Variants in DPP10 observed in about 807,000 individuals in gnomAD.
The protein encoded by DPP10 is dipeptidyl peptidase like 10, also known as inactive dipeptidyl peptidase 10.
A neutral mutation model predicts 120.9 loss-of-function variants in DPP10; 33 were observed. The observed-to-expected ratio is 0.27, with a 90% CI of 0.21 to 0.37. The LOEUF (loss-of-function observed/expected upper bound fraction) is 0.37, where lower values mean the gene tolerates loss of function less well. DPP10 is among the 10% of genes least tolerant of loss of function. DPP10 has a pLI of 1.00. For missense variants in DPP10, 816 were observed against 942.8 expected, an observed-to-expected ratio of 0.87 and a Z score of 1.76; for synonymous variants, 337 against 326.1, an observed-to-expected ratio of 1.03 and a Z score of -0.36.
intron 1 of DPP10, among the ~76,000 whole-genome samples, chr2:114,719,000 G>A (rs1345136405): frequency 2.0e-5 from 3 of 152,200 alleles, no homozygotes; most frequent in Admixed American, 6.5e-5. Flanking sequence ...AGCAGATCAA[G>A]CCTGGCTTAT....
At chr2:114,854,819 T>A (rs1319888675) in intron 1 of DPP10, among the ~76,000 whole-genome samples, 1 of 152,202 alleles carries the variant, frequency 6.6e-6, no homozygotes, top group Non-Finnish European at 1.5e-5. Context: ...ATGAATCTAT[T>A]CTTATTTAAT....
At chr2:115,602,412 T>C (rs2149218390) in intron 5 of DPP10, among the ~76,000 whole-genome samples, 1 of 152,360 alleles carries the variant, frequency 6.6e-6, no homozygotes, top group Non-Finnish European at 1.5e-5. Context: ...TTATATCACA[T>C]TAGTCCATTT....
chr2:115,370,900 T>A (rs547917495), intron 3 of DPP10, among the ~76,000 whole-genome samples: 3 of 152,226 alleles, frequency 2.0e-5, no homozygotes, highest in Admixed American at 2.0e-4. Flanking sequence ...ATCACTGAGA[T>A]AAACAAACTG....
At chr2:114,777,063 T>G (rs1681813056) in intron 1 of DPP10, among the ~76,000 whole-genome samples, 1 of 152,158 alleles carries the variant, frequency 6.6e-6, no homozygotes, top group Non-Finnish European at 1.5e-5. Context: ...GTTGCAATTA[T>G]TGGACTAAAA....
chr2:114,891,391 T>C (rs182588062), intron 1 of DPP10, among the ~76,000 whole-genome samples: 2 of 152,358 alleles, frequency 1.3e-5, no homozygotes, highest in East Asian at 3.9e-4. Context: ...TGGCTGTCTT[T>C]AGCTCTCAGG....
At chr2:114,765,112 C>T (rs866811832) in intron 1 of DPP10, among the ~76,000 whole-genome samples, 1 of 152,090 alleles carries the variant, frequency 6.6e-6, no homozygotes, top group South Asian at 2.1e-4. Context: ...TGTAACATGG[C>T]ACATTTTCAT....
At chr2:114,633,248 C>CTTTTTTTTTTTT (rs35372708) in intron 1 of DPP10, among the ~76,000 whole-genome samples, 1 of 72,810 alleles carries the variant, frequency 1.4e-5, no homozygotes, top group Non-Finnish European at 2.4e-5. Flanking sequence ...GTTTTTCTTT[C>CTTTTTTTTTTTT]TTTTTTTTTT....
At chr2:115,012,881 C>T (rs1364282029) in intron 1 of DPP10, among the ~76,000 whole-genome samples, 1 of 152,076 alleles carries the variant, frequency 6.6e-6, no homozygotes, top group Non-Finnish European at 1.5e-5. Context: ...AAAGAGGCAC[C>T]AGAGAAAGGC....
At chr2:115,645,477 A>C (rs1412457885) in intron 5 of DPP10, among the ~76,000 whole-genome samples, 1 of 152,172 alleles carries the variant, frequency 6.6e-6, no homozygotes, top group Non-Finnish European at 1.5e-5. Context: ...ACCTGCCTAG[A>C]AACTATATCA....
chr2:114,795,098 A>C (rs564618235), intron 1 of DPP10, among the ~76,000 whole-genome samples: 73 of 152,268 alleles, frequency 4.8e-4, no homozygotes, highest in Non-Finnish European at 9.9e-4. Flanking sequence ...TCAGGTATTT[A>C]AAAGTTCAGT....
chr2:115,205,104 T>C (rs895696721), intron 1 of DPP10, among the ~76,000 whole-genome samples: 3 of 152,148 alleles, frequency 2.0e-5, no homozygotes, highest in African/African-American at 7.2e-5. Flanking sequence ...AATTAGGTCC[T>C]ACTTGTCAAT....
At chr2:115,115,025 T>C (rs1389898715) in intron 1 of DPP10, among the ~76,000 whole-genome samples, 1 of 151,978 alleles carries the variant, frequency 6.6e-6, no homozygotes, top group East Asian at 1.9e-4. Context: ...CATAGGGCAC[T>C]ATGCTGGTTC....
intron 3 of DPP10, among the ~76,000 whole-genome samples, chr2:115,442,902 A>C (rs1037291640): frequency 2.6e-5 from 4 of 152,144 alleles, no homozygotes; most frequent in African/African-American, 9.7e-5. Context: ...ATGTGGCTTT[A>C]GTTTGATCTT....
At chr2:115,436,410 T>TA (rs397778709) in intron 3 of DPP10, among the ~76,000 whole-genome samples, 3 of 151,708 alleles carry the variant, frequency 2.0e-5, no homozygotes, top group Non-Finnish European at 3.0e-5. Context: ...ATTTTTTTTT[T>TA]AATTATCAGG....
chr2:114,911,233 G>A (rs1410764476), intron 1 of DPP10, among the ~76,000 whole-genome samples: 3 of 151,678 alleles, frequency 2.0e-5, no homozygotes, highest in African/African-American at 7.3e-5. Context: ...TAAGTGTCTT[G>A]AGTATTCTTA....
chr2:114,937,501 C>A (rs1251517183), intron 1 of DPP10, among the ~76,000 whole-genome samples: 1 of 152,184 alleles, frequency 6.6e-6, no homozygotes, highest in Non-Finnish European at 1.5e-5. Context: ...GTTCAATCCT[C>A]TGGAAGGCTG....
chr2:115,642,532 G>A (rs183033901), intron 5 of DPP10, among the ~76,000 whole-genome samples: 106 of 152,076 alleles, frequency 7.0e-4, no homozygotes, highest in African/African-American at 2.4e-3. Flanking sequence ...CAGTCTCCAG[G>A]GACAATAGCA....
At chr2:115,416,652 T>C (rs1366407374) in intron 3 of DPP10, among the ~76,000 whole-genome samples, 4 of 152,166 alleles carry the variant, frequency 2.6e-5, no homozygotes, top group African/African-American at 9.7e-5. Context: ...ATACTCAATA[T>C]TCCATTAATC....
At chr2:114,443,495 A>T (rs1325904760) in intron 1 of DPP10, among the ~76,000 whole-genome samples, 1 of 151,938 alleles carries the variant, frequency 6.6e-6, no homozygotes, top group Non-Finnish European at 1.5e-5. Flanking sequence ...TCACAATTTC[A>T]CTCTTCTGTT....
Sources: gnomAD v4.1 joint callset for allele counts (sites outside exome capture counted in the v4.1 genomes callset) on GRCh38, gnomAD v4.1.1 for gene constraint, MANE v1.5 for transcripts, NCBI Gene and HGNC (gene_info 2026-07-23, HGNC 2026-07-21) for gene names.